The following FBXL17 variants were observed in gnomAD, a reference collection of about 807,000 sequenced individuals.
FBXL17 encodes the protein F-box/LRR-repeat protein 17.
Under a neutral mutation model 66.2 loss-of-function variants are expected in FBXL17, and 22 were observed. The ratio of observed to expected loss-of-function variants is 0.33; its 90% CI spans 0.24 to 0.47. The LOEUF (loss-of-function observed/expected upper bound fraction) is 0.47. Among genes scored for constraint, FBXL17 ranks in the 20% least tolerant of loss-of-function variants. The pLI is 1.00. For missense variants in FBXL17, 878 were observed against 948.2 expected, an observed-to-expected ratio of 0.93 and a Z score of 0.97; for synonymous variants, 474 against 400.5, an observed-to-expected ratio of 1.18 and a Z score of -2.19.
At chr5:108,293,521 T>C (rs1758207459) in intron 4 of FBXL17, among the ~76,000 whole-genome samples, 1 of 152,126 alleles carries the variant, frequency 6.6e-6, no homozygotes, top group Admixed American at 6.6e-5. Flanking sequence ...TCATATACAA[T>C]TTCCAAAACA....
At chr5:108,203,694 T>C (rs192173867) in intron 5 of FBXL17, among the ~76,000 whole-genome samples, 1 of 152,274 alleles carries the variant, frequency 6.6e-6, no homozygotes, top group African/African-American at 2.4e-5. Flanking sequence ...AGCAGCAATA[T>C]TACCATTTAA....
intron 4 of FBXL17, among the ~76,000 whole-genome samples, chr5:108,230,634 T>C (rs1164404535): frequency 1.3e-5 from 2 of 151,458 alleles, no homozygotes; most frequent in South Asian, 2.1e-4. Context: ...ACTGCTCGGG[T>C]GATGGGTGCA....
intron 4 of FBXL17, among the ~76,000 whole-genome samples, chr5:108,327,320 C>T (rs537000666): frequency 4.9e-4 from 75 of 152,242 alleles, no homozygotes; most frequent in Admixed American, 9.8e-4. Flanking sequence ...TAACTCAACC[C>T]TAAAGCCTGA....
chr5:108,202,652 C>T (rs1753944308), intron 5 of FBXL17, among the ~76,000 whole-genome samples: 1 of 152,060 alleles, frequency 6.6e-6, no homozygotes, highest in South Asian at 2.1e-4. Flanking sequence ...GATGGATATG[C>T]TGGACAAAGA....
chr5:107,948,739 G>A (rs1453874418), intron 7 of FBXL17, among the ~76,000 whole-genome samples: 3 of 152,154 alleles, frequency 2.0e-5, no homozygotes, highest in Non-Finnish European at 4.4e-5. Flanking sequence ...CTAGTTATGT[G>A]AGATTGAGAA....
intron 6 of FBXL17, among the ~76,000 whole-genome samples, chr5:108,115,877 C>G (rs562986163): frequency 6.6e-6 from 1 of 152,126 alleles, no homozygotes; most frequent in African/African-American, 2.4e-5. Flanking sequence ...ACTTTAAAAG[C>G]TGAGGCAGTC....
rs1377634970 is a variant in FBXL17 at position 108,131,961 on chromosome 5, C to T, written c.1745+54156G>A. 2.0e-5 allele frequency among the ~76,000 whole-genome samples: 3 copies of T among 149,952 alleles called. No individual in the cohort carries two copies. In the Admixed American group the frequency reaches 2.0e-4, roughly 10 times the overall value. ...GTCCTTCCAAAATGAATTATATTAA[C>T]CTTGACTGAAGAAAGTCCTTTTTTT... On this transcript the variant is annotated intron_variant, in intron 6 of 8. Coordinates refer to ENST00000542267, the MANE Select transcript of FBXL17 (RefSeq NM_001163315.3).
chr5:108,215,051 T>C (rs1463986152), intron 5 of FBXL17, among the ~76,000 whole-genome samples: 1 of 152,252 alleles, frequency 6.6e-6, no homozygotes, highest in Non-Finnish European at 1.5e-5. Context: ...ATCATTCTTT[T>C]TCATGGCTGA....
intron 5 of FBXL17, among the ~76,000 whole-genome samples, chr5:108,200,692 G>GAA (rs369586492): frequency 0.31 from 43,267 of 140,384 alleles, 6,527 homozygotes; most frequent in Middle Eastern, 0.4. Flanking sequence ...GCTTTTTCTT[G>GAA]AAAAAAAAAA....
intron 7 of FBXL17, among the ~76,000 whole-genome samples, chr5:107,937,765 C>T (rs1164495390): frequency 6.6e-6 from 1 of 152,080 alleles, no homozygotes; most frequent in Non-Finnish European, 1.5e-5. Flanking sequence ...CCCCCATCGG[C>T]AGAATCCTAC....
intron 8 of FBXL17, among the ~76,000 whole-genome samples, chr5:107,876,037 G>C (rs1377969506): frequency 1.3e-5 from 2 of 152,178 alleles, no homozygotes; most frequent in Non-Finnish European, 2.9e-5. Flanking sequence ...CATTAGGGTG[G>C]ACCTTTCACA....
chr5:108,070,076 AG>A (rs1246190781), intron 6 of FBXL17, among the ~76,000 whole-genome samples: 2 of 152,228 alleles, frequency 1.3e-5, no homozygotes, highest in Non-Finnish European at 1.5e-5. Flanking sequence ...CATCATATTA[AG>A]TAGAAGTATT....
At chr5:108,090,740 G>A (rs1749156839) in intron 6 of FBXL17, among the ~76,000 whole-genome samples, 1 of 151,928 alleles carries the variant, frequency 6.6e-6, no homozygotes, top group Non-Finnish European at 1.5e-5. Context: ...TTAGCATGTG[G>A]GCCATACAAA....
chr5:108,025,916 A>ATACC (rs1754804855), intron 6 of FBXL17, among the ~76,000 whole-genome samples: 1 of 132,034 alleles, frequency 7.6e-6, no homozygotes, highest in Non-Finnish European at 1.8e-5. Flanking sequence ...TATCTTACAG[A>ATACC]AAGAATAATG....
At chr5:108,247,591 A>C (rs1756160098) in intron 4 of FBXL17, among the ~76,000 whole-genome samples, 2 of 152,200 alleles carry the variant, frequency 1.3e-5, no homozygotes, top group Non-Finnish European at 1.5e-5. Flanking sequence ...GATTCCTTTT[A>C]ACCTCAGGTT....
intron 4 of FBXL17, among the ~76,000 whole-genome samples, chr5:108,287,668 G>T (rs1351323206): frequency 6.6e-6 from 1 of 151,998 alleles, no homozygotes; most frequent in Non-Finnish European, 1.5e-5. Context: ...CCACTGATGG[G>T]AATGTAAATT....
chr5:108,024,217 C>T (rs1225796486), intron 6 of FBXL17, among the ~76,000 whole-genome samples: 2 of 151,946 alleles, frequency 1.3e-5, no homozygotes, highest in Non-Finnish European at 2.9e-5. Flanking sequence ...AGAAAGTATC[C>T]GTGTATAAGA....
chr5:108,265,512 A>T (rs1757011396), intron 4 of FBXL17, among the ~76,000 whole-genome samples: 1 of 152,112 alleles, frequency 6.6e-6, no homozygotes, highest in Non-Finnish European at 1.5e-5. Context: ...AAAACATCCT[A>T]TCTGTGATTT....
Position 108,011,402 on chromosome 5 carries a change from A to C in FBXL17, c.1822+9523T>G, listed in dbSNP as rs142555471. ...TTCATTGTATCTCGGAAAATAAGGA[A>C]CACTAAAGCTAAAGAGAACAAAGTA... On this transcript the variant is annotated intron_variant, in intron 7 of 8. Coordinates refer to ENST00000542267, the MANE Select transcript of FBXL17 (RefSeq NM_001163315.3). Among the ~76,000 whole-genome samples, 223 of 152,308 alleles carry C rather than the reference A, an allele frequency of 1.5e-3. 1 individual carries two copies. The highest frequency in any genetic ancestry group is 5.2e-3 in the African/African-American group (215 of 41,574).
Sources: gnomAD v4.1 joint callset for allele counts (sites outside exome capture counted in the v4.1 genomes callset) on GRCh38, gnomAD v4.1.1 for gene constraint, MANE v1.5 for transcripts, NCBI Gene and HGNC (gene_info 2026-07-23, HGNC 2026-07-21) for gene names.